Variants in KLHL29 observed in about 807,000 individuals in gnomAD.
KLHL29 encodes kelch-like protein 29.
KLHL29 carries 21 observed loss-of-function variants against 80.4 expected under a neutral mutation model. That is an observed-to-expected ratio of 0.26 (90% CI 0.19 to 0.38). KLHL29 has a LOEUF of 0.38. Ranked by LOEUF, KLHL29 falls within the 10% of genes least tolerant of loss-of-function variation. The pLI is 1.00. For synonymous variants in KLHL29, 511 were observed against 526.8 expected (o/e 0.97, Z 0.41); for missense variants, 867 against 1,223.9 (o/e 0.71, Z 4.35).
At position 23,497,866 on chromosome 2, in the gene KLHL29, C is replaced by A. The variant is rs116704266; in HGVS notation, c.-46+22199C>A. Among the ~76,000 whole-genome samples the A allele has an allele frequency of 6.3e-3, 958 of 152,256 alleles. 6 individuals carry two copies. Among genetic ancestry groups the A allele is most frequent in the African/African-American group, 0.018 (731 of 41,540 alleles). On this transcript the variant is annotated intron_variant, in intron 2 of 13. Coordinates refer to ENST00000486442, the MANE Select transcript of KLHL29 (RefSeq NM_052920.2). ...GTATGGATGCCGTTCTGAAAGACAG[C>A]CTGTATTACAGGAGCACCGGGTAGA...
chr2:23,563,678 C>T (rs992823704), intron 3 of KLHL29, among the ~76,000 whole-genome samples: 8 of 152,202 alleles, frequency 5.3e-5, no homozygotes, highest in Non-Finnish European at 1.2e-4. Flanking sequence ...TTCAAAACTC[C>T]CTTTCAGCCC....
At chr2:23,529,641 C>T (rs111529642) in intron 2 of KLHL29, among the ~76,000 whole-genome samples, 3 of 152,206 alleles carry the variant, frequency 2.0e-5, no homozygotes, top group Admixed American at 6.5e-5. Flanking sequence ...ATGAGCATAC[C>T]GAAGAGGCGA....
chr2:23,492,103 C>T (rs1006613582), intron 2 of KLHL29, among the ~76,000 whole-genome samples: 22 of 152,216 alleles, frequency 1.4e-4, no homozygotes, highest in African/African-American at 3.4e-4. Flanking sequence ...GCAGATCACA[C>T]GTCCAGCCTC....
intron 2 of KLHL29, among the ~76,000 whole-genome samples, chr2:23,510,679 G>A (rs1463593310): frequency 1.3e-5 from 2 of 152,242 alleles, no homozygotes; most frequent in Non-Finnish European, 2.9e-5. Context: ...AGCTTAGTGA[G>A]TGGCTGGTGA....
intron 2 of KLHL29, among the ~76,000 whole-genome samples, chr2:23,476,028 G>A (rs1375196783): frequency 1.3e-5 from 2 of 152,256 alleles, no homozygotes; most frequent in East Asian, 3.9e-4. Context: ...ACAGGCATGT[G>A]CTATCACGAC....
chr2:23,474,741 T>A (rs1664584154), intron 1 of KLHL29, among the ~76,000 whole-genome samples: 1 of 152,124 alleles, frequency 6.6e-6, no homozygotes, highest in African/African-American at 2.4e-5. Flanking sequence ...CCTGTCCAAA[T>A]CCTTCATATC....
At chr2:23,430,075 C>T (rs1368067904) in intron 1 of KLHL29, among the ~76,000 whole-genome samples, 4 of 152,090 alleles carry the variant, frequency 2.6e-5, no homozygotes, top group East Asian at 1.9e-4. Flanking sequence ...GAACCCTTGC[C>T]GTGTGACTCT....
chr2:23,540,385 T>C (rs1307014543), intron 2 of KLHL29, among the ~76,000 whole-genome samples: 1 of 152,260 alleles, frequency 6.6e-6, no homozygotes, highest in Non-Finnish European at 1.5e-5. Flanking sequence ...GCTTCCATAT[T>C]GGACAACACA....
intron 3 of KLHL29, among the ~76,000 whole-genome samples, chr2:23,609,906 CT>C (rs1668816265): frequency 6.6e-6 from 1 of 152,160 alleles, no homozygotes; most frequent in African/African-American, 2.4e-5. Context: ...GAACCCACCC[CT>C]GACCCCCCAC....
chr2:23,649,307 A>T (rs568526391), intron 5 of KLHL29, among the ~76,000 whole-genome samples: 2 of 152,204 alleles, frequency 1.3e-5, no homozygotes, highest in African/African-American at 4.8e-5. Flanking sequence ...CTCCATCTGC[A>T]CAAGGTTCTT....
chr2:23,619,525 C>T (rs1669113311), intron 3 of KLHL29, among the ~76,000 whole-genome samples: 1 of 152,146 alleles, frequency 6.6e-6, no homozygotes, highest in African/African-American at 2.4e-5. Flanking sequence ...AATTAGGCCC[C>T]AGGGCAGCCG....
intron 3 of KLHL29, among the ~76,000 whole-genome samples, chr2:23,612,174 A>G (rs1029417642): frequency 6.6e-6 from 1 of 152,242 alleles, no homozygotes; most frequent in Non-Finnish European, 1.5e-5. Flanking sequence ...AATCTAAACC[A>G]AGGCATTCAG....
At chr2:23,577,417 C>T (rs1331740059) in intron 3 of KLHL29, among the ~76,000 whole-genome samples, 1 of 152,104 alleles carries the variant, frequency 6.6e-6, no homozygotes, top group East Asian at 1.9e-4. Context: ...CTCCATTGCA[C>T]TCCAGCCTGG....
chr2:23,630,630 A>G (rs665650), intron 3 of KLHL29, among the ~76,000 whole-genome samples: 94,983 of 151,870 alleles, frequency 0.63, 30,544 homozygotes, highest in East Asian at 0.72. Flanking sequence ...GACTACAGGC[A>G]CACACCACCA....
chr2:23,625,933 A>G (rs1472139676), intron 3 of KLHL29, among the ~76,000 whole-genome samples: 1 of 152,180 alleles, frequency 6.6e-6, no homozygotes, highest in Non-Finnish European at 1.5e-5. Flanking sequence ...CCAGGAAGAG[A>G]GCCCTCCCCA....
chr2:23,481,122 A>G (rs1387950200), intron 2 of KLHL29, among the ~76,000 whole-genome samples: 1 of 152,220 alleles, frequency 6.6e-6, no homozygotes, highest in Non-Finnish European at 1.5e-5. Flanking sequence ...TACATACCAG[A>G]TCTGTGAGAT....
intron 3 of KLHL29, among the ~76,000 whole-genome samples, chr2:23,565,111 A>C (rs1373845226): frequency 6.6e-6 from 1 of 152,200 alleles, no homozygotes; most frequent in African/African-American, 2.4e-5. Context: ...AGAACCTGGC[A>C]TGTGGTATTT....
intron 11 of KLHL29, chr2:23,697,592 T>C (rs892540028): frequency 6.6e-6 from 1 of 152,240 alleles, no homozygotes; most frequent in Non-Finnish European, 1.5e-5. Context: ...AATTGGACAC[T>C]TGACAAATGT....
At chr2:23,397,060 G>A (rs955069011) in intron 1 of KLHL29, among the ~76,000 whole-genome samples, 1 of 152,210 alleles carries the variant, frequency 6.6e-6, no homozygotes, top group African/African-American at 2.4e-5. Context: ...AGGTCTGGCA[G>A]TGCGGGGGAA....
Sources: gnomAD v4.1 joint callset for allele counts (sites outside exome capture counted in the v4.1 genomes callset) on GRCh38, gnomAD v4.1.1 for gene constraint, MANE v1.5 for transcripts, NCBI Gene and HGNC (gene_info 2026-07-23, HGNC 2026-07-21) for gene names.